Variants in ARHGAP26 observed in about 807,000 individuals in gnomAD.
ARHGAP26 encodes the protein rho GTPase-activating protein 26.
A neutral mutation model predicts 104.8 loss-of-function variants in ARHGAP26; 38 were observed. The observed-to-expected ratio is 0.36, with a 90% CI of 0.28 to 0.48. ARHGAP26 has a LOEUF of 0.48. Among genes scored for constraint, ARHGAP26 ranks in the 20% least tolerant of loss-of-function variants. The pLI is 0.99. For synonymous variants in ARHGAP26, 341 were observed against 340.0 expected, an observed-to-expected ratio of 1.00 and a Z score of -0.03; for missense variants, 704 against 947.9, an observed-to-expected ratio of 0.74 and a Z score of 3.38.
chr5:143,184,813 G>A (rs976079560), intron 20 of ARHGAP26, among the ~76,000 whole-genome samples: 1 of 152,196 alleles, frequency 6.6e-6, no homozygotes, highest in African/African-American at 2.4e-5. Flanking sequence ...GACTGAAAAA[G>A]GGGAGAGGAG....
At chr5:143,210,621 C>A (rs1809305704) in intron 21 of ARHGAP26, among the ~76,000 whole-genome samples, 1 of 152,224 alleles carries the variant, frequency 6.6e-6, no homozygotes, top group Non-Finnish European at 1.5e-5. Context: ...AGCCCCAAAC[C>A]CGTAACTTGC....
intron 1 of ARHGAP26, among the ~76,000 whole-genome samples, chr5:142,812,041 C>G (rs753915840): frequency 2.0e-5 from 3 of 152,184 alleles, no homozygotes; most frequent in Non-Finnish European, 2.9e-5. Flanking sequence ...GCATTCTCAT[C>G]TCCTGGATGA....
chr5:142,919,473 A>C (rs1762914425), intron 10 of ARHGAP26: 3 of 398,186 alleles, frequency 7.5e-6, no homozygotes, highest in Non-Finnish European at 1.3e-5. Flanking sequence ...TTGTTACGGC[A>C]GCCCCAGGAA....
intron 1 of ARHGAP26, among the ~76,000 whole-genome samples, chr5:142,815,002 A>G (rs1240676154): frequency 6.6e-6 from 1 of 152,124 alleles, no homozygotes; most frequent in Non-Finnish European, 1.5e-5. Flanking sequence ...ACGGAATTAC[A>G]TGATTTTTAT....
intron 18 of ARHGAP26, among the ~76,000 whole-genome samples, chr5:143,130,010 T>A (rs1797144246): frequency 6.6e-6 from 1 of 152,214 alleles, no homozygotes; most frequent in South Asian, 2.1e-4. Context: ...TATGATGATC[T>A]TAAGTTCCTT....
chr5:143,001,667 G>A (rs772447944), intron 11 of ARHGAP26, among the ~76,000 whole-genome samples: 3 of 152,216 alleles, frequency 2.0e-5, no homozygotes, highest in Non-Finnish European at 4.4e-5. Context: ...GATTCTGCCT[G>A]TGATGGAGGT....
chr5:143,151,882 G>T (rs1799887043), intron 20 of ARHGAP26, among the ~76,000 whole-genome samples: 2 of 152,164 alleles, frequency 1.3e-5, no homozygotes, highest in South Asian at 4.1e-4. Context: ...GTTGAACCTG[G>T]GAGGCAGAGG....
chr5:142,812,135 T>C (rs1021160824), intron 1 of ARHGAP26, among the ~76,000 whole-genome samples: 1 of 152,104 alleles, frequency 6.6e-6, no homozygotes, highest in Non-Finnish European at 1.5e-5. Context: ...TCCTCTTCGC[T>C]TCCTGTAGTA....
intron 20 of ARHGAP26, among the ~76,000 whole-genome samples, chr5:143,196,676 T>C (rs1007986742): frequency 1.3e-5 from 2 of 152,202 alleles, no homozygotes; most frequent in Non-Finnish European, 2.9e-5. Flanking sequence ...AGCTGTATGC[T>C]TAGGGGCCAT....
intron 12 of ARHGAP26, among the ~76,000 whole-genome samples, chr5:143,023,309 T>G (rs1016773116): frequency 6.6e-6 from 1 of 152,222 alleles, no homozygotes; most frequent in Non-Finnish European, 1.5e-5. Flanking sequence ...TTGCTCTGTT[T>G]CCTATTGTTG....
chr5:143,035,097 AG>A (rs1312482940), intron 12 of ARHGAP26, among the ~76,000 whole-genome samples: 2 of 152,220 alleles, frequency 1.3e-5, no homozygotes, highest in East Asian at 3.8e-4. Context: ...CTAGAGGCTG[AG>A]TGTGTTTGTA....
At chr5:143,221,441 AAAAC>A (rs1811117757) in intron 22 of ARHGAP26, among the ~76,000 whole-genome samples, 1 of 151,780 alleles carries the variant, frequency 6.6e-6, no homozygotes, top group African/African-American at 2.4e-5. Flanking sequence ...AAAAAAAAAA[AAAAC>A]CCCAGAAAAT....
At chr5:143,011,878 T>C (rs1778804580) in intron 11 of ARHGAP26, among the ~76,000 whole-genome samples, 1 of 152,236 alleles carries the variant, frequency 6.6e-6, no homozygotes, top group South Asian at 2.1e-4. Context: ...GCATTTCTTT[T>C]CTCAGTAGTA....
At chr5:142,939,243 A>G (rs1444914445) in intron 11 of ARHGAP26, among the ~76,000 whole-genome samples, 1 of 152,194 alleles carries the variant, frequency 6.6e-6, no homozygotes, top group Non-Finnish European at 1.5e-5. Context: ...ACACACAAAA[A>G]ATTGCTGCTG....
chr5:142,872,805 C>T (rs1359534818), intron 1 of ARHGAP26, among the ~76,000 whole-genome samples: 1 of 152,160 alleles, frequency 6.6e-6, no homozygotes, highest in Non-Finnish European at 1.5e-5. Context: ...GGCTGGTGGT[C>T]CACTCTGCTC....
At chr5:142,839,906 A>C (rs1031607370) in intron 1 of ARHGAP26, among the ~76,000 whole-genome samples, 1 of 30,476 alleles carries the variant, frequency 3.3e-5, no homozygotes, top group Non-Finnish European at 6.3e-5. Context: ...AGGGGAGGGG[A>C]GGGGAGGGGA....
chr5:142,852,925 G>A (rs1361741932), intron 1 of ARHGAP26, among the ~76,000 whole-genome samples: 1 of 152,166 alleles, frequency 6.6e-6, no homozygotes, highest in Non-Finnish European at 1.5e-5. Flanking sequence ...CCTCTCCTTT[G>A]GCACAGAGAT....
intron 1 of ARHGAP26, among the ~76,000 whole-genome samples, chr5:142,848,453 T>C (rs911356831): frequency 4.0e-4 from 61 of 152,332 alleles, no homozygotes; most frequent in African/African-American, 1.4e-3. Context: ...CCTCCTTTAC[T>C]CCCTTCCAGT....
At chr5:142,963,198 A>ATATATATGTGTGTGTGTGTG (rs869247749) in intron 11 of ARHGAP26, among the ~76,000 whole-genome samples, 3 of 98,332 alleles carry the variant, frequency 3.1e-5, no homozygotes, top group East Asian at 9.4e-4. Context: ...ATATATATAT[A>ATATATATGTGTGTGTGTGTG]TGTGTGTGTG....
Sources: allele counts gnomAD v4.1 joint callset (sites outside exome capture counted in the v4.1 genomes callset), GRCh38; gene constraint gnomAD v4.1.1; transcripts MANE v1.5; gene names NCBI Gene and HGNC (gene_info 2026-07-23, HGNC 2026-07-21).